Variants in BLMH observed in about 807,000 individuals in gnomAD.
BLMH encodes BLM hydrolase.
A neutral mutation model predicts 61.6 loss-of-function variants in BLMH; 32 were observed. The ratio of observed to expected loss-of-function variants is 0.52; its 90% confidence interval spans 0.39 to 0.70. The LOEUF (loss-of-function observed/expected upper bound fraction) is 0.70. Among genes scored for constraint, BLMH ranks in the 30% least tolerant of loss-of-function variants. The pLI is 0.00. For synonymous variants in BLMH, 183 were observed against 193.8 expected (o/e 0.94, Z 0.46); for missense variants, 460 against 555.5 (o/e 0.83, Z 1.73).
At chr17:30,258,009 A>AT (rs940088967) in intron 11 of BLMH, among the ~76,000 whole-genome samples, 1 of 151,958 alleles carries the variant, frequency 6.6e-6, no homozygotes, top group Non-Finnish European at 1.5e-5. Context: ...TTATTTATTT[A>AT]TTTTTTAGAG....
chr17:30,288,744 C>T (rs1035746362), intron 3 of BLMH, among the ~76,000 whole-genome samples: 62 of 152,120 alleles, frequency 4.1e-4, no homozygotes, highest in African/African-American at 1.4e-3. Flanking sequence ...GCAGGCAGAT[C>T]ACTTGAGGTC....
At chr17:30,270,625 A>G (rs943658171) in intron 10 of BLMH, among the ~76,000 whole-genome samples, 1 of 152,312 alleles carries the variant, frequency 6.6e-6, no homozygotes, top group African/African-American at 2.4e-5. Context: ...AAGTAGTTCA[A>G]GTTCTTCCTT....
At chr17:30,281,861 T>C (rs1228355545) in intron 6 of BLMH, among the ~76,000 whole-genome samples, 2 of 152,250 alleles carry the variant, frequency 1.3e-5, no homozygotes, top group African/African-American at 4.8e-5. Flanking sequence ...TAATCGAAGA[T>C]GTCTTTAAAA....
Position 30,285,436 on chromosome 17 carries a change from T to C in BLMH, c.597A>G (p.Gly199=). Residue 199 remains glycine (G), a synonymous_variant, in exon 6 of 12, where the codon GGA becomes GGG. Coordinates refer to ENST00000261714, the MANE Select transcript of BLMH (RefSeq NM_000386.4). ...CIRLRNLVHS[G]ATKGEISATQ... ...TGGCCGAGATTTCTCCTTTGGTTGC[T>C]CCACTGTGTACCAGGTTCCGCAGTC... 6.2e-7 allele frequency: 1 copy of C among 1,612,838 alleles called. No individual in the cohort carries two copies. Among genetic ancestry groups the C allele is most frequent in the Non-Finnish European group, 8.5e-7 (1 of 1,179,370 alleles).
chr17:30,289,740 C>T (rs1175566342), intron 2 of BLMH, among the ~76,000 whole-genome samples: 5 of 152,212 alleles, frequency 3.3e-5, no homozygotes, highest in African/African-American at 9.6e-5. Flanking sequence ...GTAATGCCTT[C>T]TCCAAATTGT....
intron 11 of BLMH, among the ~76,000 whole-genome samples, chr17:30,251,317 G>A (rs556810117): frequency 2.0e-4 from 30 of 152,274 alleles, no homozygotes; most frequent in African/African-American, 3.6e-4. Flanking sequence ...TGCTTTACCC[G>A]AGCCATTGCT....
At chr17:30,273,242 C>G in intron 7 of BLMH, 1 of 178,510 alleles carries the variant, frequency 5.6e-6, no homozygotes, top group East Asian at 1.6e-4. Flanking sequence ...TCTCGGCTCA[C>G]TGCAACCTCC....
chr17:30,258,765 T>C (rs1183671551), intron 11 of BLMH, among the ~76,000 whole-genome samples: 5 of 152,228 alleles, frequency 3.3e-5, no homozygotes, highest in Admixed American at 2.0e-4. Flanking sequence ...TCCAAGGGTC[T>C]TGTTTTCCCA....
intron 11 of BLMH, 154 bp downstream of exon 11, chr17:30,266,731 G>A (rs1908121211): frequency 1.4e-6 from 1 of 690,170 alleles, no homozygotes; most frequent in Non-Finnish European, 2.5e-6. Flanking sequence ...GAGAATCCTG[G>A]GGGCAAATCA....
chr17:30,290,864 A>G (rs930364526), intron 2 of BLMH: 1 of 160,364 alleles, frequency 6.2e-6, no homozygotes, highest in Non-Finnish European at 1.4e-5. Flanking sequence ...ACCAAGAAGC[A>G]TATTTAAAAG....
chr17:30,287,109 G>A lies in BLMH; in HGVS notation c.464-207C>T, dbSNP rs375561382. Among the ~76,000 whole-genome samples the A allele has an allele frequency of 3.9e-5, 6 of 152,174 alleles. 1 individual carries two copies. The highest frequency in any genetic ancestry group is 1.2e-4 in the African/African-American group (5 of 41,526). ...CACTCAGGCTGGAGTGCTGTGACAC[G>A]ATCCTGGCCCACTGCAGCCTTGAAC... On this transcript the variant is annotated intron_variant, in intron 4 of 11. Coordinates refer to ENST00000261714, the MANE Select transcript of BLMH (RefSeq NM_000386.4).
rs772118214 is a variant in BLMH at position 30,287,887 on chromosome 17, C to T, written c.382G>A (p.Glu128Lys). ...FVDTAQRKEP[E>K]DGRLVQFLLM... ...AAAAACTGCACCAGCCTCCCATCCT[C>T]AGGCTCCTTTCTCTGGGCTGTGTCC... is the stretch of plus-strand genomic sequence containing the variant. Residue 128 changes from glutamate (E) to lysine (K), a missense_variant, in exon 4 of 12, where the codon GAG (glutamate) becomes AAG (lysine). Coordinates refer to ENST00000261714, the MANE Select transcript of BLMH (RefSeq NM_000386.4). The T allele has an allele frequency of 6.2e-7, 1 of 1,614,106 alleles. No homozygotes were observed. The highest frequency in any genetic ancestry group is 8.5e-7 in the Non-Finnish European group (1 of 1,179,948).
Position 30,249,217 on chromosome 17 carries a change from G to A in BLMH, c.1217-49C>T, listed in dbSNP as rs2143018956. ...ATGAGTCCAGAGGGCAAGGGACAAAGAGCAGAAACCCTTTTTGTAGGATAA... is the reference window on the plus strand; with the variant it reads ...ATGAGTCCAGAGGGCAAGGGACAAAAAGCAGAAACCCTTTTTGTAGGATAA... On this transcript the variant is annotated intron_variant, in intron 11 of 11. Coordinates refer to ENST00000261714, the MANE Select transcript of BLMH (RefSeq NM_000386.4). The A allele has an allele frequency of 1.9e-6, 3 of 1,589,152 alleles. No individual in the cohort carries two copies. The Admixed American group carries it at 5.2e-5, about 28-fold the overall frequency.
chr17:30,280,636 C>T (rs776933311), intron 6 of BLMH, among the ~76,000 whole-genome samples: 5 of 152,000 alleles, frequency 3.3e-5, no homozygotes, highest in African/African-American at 1.2e-4. Context: ...ATCACCATAT[C>T]CAGCTAATTT....
chr17:30,254,122 T>C (rs929666830), intron 11 of BLMH, among the ~76,000 whole-genome samples: 1 of 152,230 alleles, frequency 6.6e-6, no homozygotes, highest in African/African-American at 2.4e-5. Flanking sequence ...ATACAAAGAA[T>C]ATAAAATATA....
chr17:30,280,947 G>A (rs375344928), intron 6 of BLMH, among the ~76,000 whole-genome samples: 1 of 152,134 alleles, frequency 6.6e-6, no homozygotes, highest in East Asian at 1.9e-4. Flanking sequence ...TAGGAGAGAA[G>A]GAGTAAGGAA....
chr17:30,268,806 G>C (rs1158306877), intron 10 of BLMH, among the ~76,000 whole-genome samples: 1 of 150,728 alleles, frequency 6.6e-6, no homozygotes, highest in Non-Finnish European at 1.5e-5. Flanking sequence ...GGAGGCCGAA[G>C]CAGGTGGATT....
At position 30,285,462 on chromosome 17, in the gene BLMH, G is replaced by A. The variant is rs753002041; in HGVS notation, c.571C>T (p.Arg191Ter). The A allele has an allele frequency of 7.4e-6, 12 of 1,610,886 alleles. No homozygotes were observed. The highest frequency in any genetic ancestry group is 2.2e-5 in the East Asian group (1 of 44,768). ...CCACTGTGTACCAGGTTCCGCAGTCGTATACAGAATTCTCTCATCTATGAC... is the reference window on the plus strand; with the variant it reads ...CCACTGTGTACCAGGTTCCGCAGTCATATACAGAATTCTCTCATCTATGAC... ...LNHKMREFCI[R>*]LRNLVHSGAT... Residue 191 changes from arginine (R) to a stop codon, truncating the protein, a stop_gained, in exon 6 of 12, where the codon CGA becomes TGA. Transcript: ENST00000261714. LOFTEE classifies it high-confidence loss of function.
intron 3 of BLMH, among the ~76,000 whole-genome samples, chr17:30,288,354 A>G (rs1227646701): frequency 1.3e-5 from 2 of 152,056 alleles, no homozygotes; most frequent in Non-Finnish European, 2.9e-5. Flanking sequence ...TGTAATATAT[A>G]TTTTATTTAC....
Sources: gnomAD v4.1 joint callset for allele counts (sites outside exome capture counted in the v4.1 genomes callset) on GRCh38, gnomAD v4.1.1 for gene constraint, MANE v1.5 for transcripts, NCBI Gene and HGNC (gene_info 2026-07-23, HGNC 2026-07-21) for gene names.